The following FAM107B variants were observed in gnomAD, a reference collection of about 807,000 sequenced individuals.
FAM107B encodes family with sequence similarity 107 member B.
Under a neutral mutation model 31.5 loss-of-function variants are expected in FAM107B, and 21 were observed. That is an observed-to-expected ratio of 0.67 (90% CI 0.47 to 0.96). The LOEUF (loss-of-function observed/expected upper bound fraction) is 0.96. Among genes scored for constraint, FAM107B ranks in the 40% least tolerant of loss-of-function variants. The pLI, the probability that FAM107B is intolerant of heterozygous loss-of-function variation, is 0.00. For missense variants in FAM107B, 452 were observed against 377.1 expected, an observed-to-expected ratio of 1.20 and a Z score of -1.64; for synonymous variants, 157 against 141.5, an observed-to-expected ratio of 1.11 and a Z score of -0.78.
At chr10:14,526,096 C>T (rs61836228) in intron 3 of FAM107B, among the ~76,000 whole-genome samples, 1 of 152,210 alleles carries the variant, frequency 6.6e-6, no homozygotes, top group African/African-American at 2.4e-5. Context: ...CAGAACAATG[C>T]CTACTCACTT....
At chr10:14,636,718 T>G (rs1853509419) in intron 2 of FAM107B, among the ~76,000 whole-genome samples, 1 of 152,088 alleles carries the variant, frequency 6.6e-6, no homozygotes, top group East Asian at 1.9e-4. Context: ...GGAGTGGGTA[T>G]GAAGATAATT....
At chr10:14,669,812 A>G (rs1294827997) in intron 1 of FAM107B, among the ~76,000 whole-genome samples, 1 of 152,246 alleles carries the variant, frequency 6.6e-6, no homozygotes, top group Non-Finnish European at 1.5e-5. Flanking sequence ...AGGTTGGTTA[A>G]TGGTTACAAA....
chr10:14,755,292 C>G (rs1261472835), intron 1 of FAM107B, among the ~76,000 whole-genome samples: 1 of 151,960 alleles, frequency 6.6e-6, no homozygotes, highest in Non-Finnish European at 1.5e-5. Flanking sequence ...AGTAGAACTA[C>G]CAGCCATAGA....
chr10:14,597,554 G>GC (rs1852228470), intron 2 of FAM107B, among the ~76,000 whole-genome samples: 1 of 152,200 alleles, frequency 6.6e-6, no homozygotes, highest in Non-Finnish European at 1.5e-5. Flanking sequence ...CTGAAGGCAT[G>GC]AAGAGATACT....
intron 3 of FAM107B, chr10:14,528,179 T>TTTTTTTTTTG (rs1564525709): frequency 6.0e-6 from 1 of 166,686 alleles, no homozygotes; most frequent in African/African-American, 2.6e-5. Context: ...TTTTGGTTTT[T>TTTTTTTTTTG]TTTTTTTTTT....
intron 1 of FAM107B, among the ~76,000 whole-genome samples, chr10:14,686,685 C>T (rs541263271): frequency 7.4e-4 from 112 of 152,334 alleles, no homozygotes; most frequent in African/African-American, 2.3e-3. Flanking sequence ...GGCCTGGCAA[C>T]CCAACCTCTT....
intron 1 of FAM107B, among the ~76,000 whole-genome samples, chr10:14,726,545 A>G (rs1273963143): frequency 3.3e-5 from 5 of 152,176 alleles, no homozygotes; most frequent in African/African-American, 1.2e-4. Context: ...TTTGGGGGTA[A>G]TATTCCAAGA....
Position 14,751,120 on chromosome 10 carries a change from G to A in FAM107B, c.411+23133C>T, listed in dbSNP as rs557745482. On this transcript the variant is annotated intron_variant, in intron 1 of 4. Transcript: ENST00000181796. ...GGAGGAAGCACATGGGCCCCAGCTG[G>A]GCAGATGGGCTCTGCACATCTGCTG... Among the ~76,000 whole-genome samples, 3 of 152,268 alleles carry A rather than the reference G, an allele frequency of 2.0e-5. No individual in the cohort carries two copies. The South Asian group carries it at 6.2e-4, about 32-fold the overall frequency.
At chr10:14,690,510 G>A (rs1391796031) in intron 1 of FAM107B, among the ~76,000 whole-genome samples, 1 of 152,060 alleles carries the variant, frequency 6.6e-6, no homozygotes, top group African/African-American at 2.4e-5. Flanking sequence ...CTGGAGTGCA[G>A]TGGTGTGAAC....
chr10:14,690,478 G>C (rs1855105775), intron 1 of FAM107B, among the ~76,000 whole-genome samples: 1 of 151,292 alleles, frequency 6.6e-6, no homozygotes, highest in Non-Finnish European at 1.5e-5. Flanking sequence ...TTTTGAGATG[G>C]AGTCTCGCTC....
intron 2 of FAM107B, among the ~76,000 whole-genome samples, chr10:14,614,933 G>A (rs1003416443): frequency 6.6e-6 from 1 of 152,142 alleles, no homozygotes; most frequent in African/African-American, 2.4e-5. Flanking sequence ...GGGAAAAGAG[G>A]AATTGGAGGC....
intron 1 of FAM107B, among the ~76,000 whole-genome samples, chr10:14,733,263 T>G (rs564376423): frequency 1.1e-3 from 162 of 152,120 alleles, no homozygotes; most frequent in African/African-American, 3.5e-3. Flanking sequence ...CTCACCTGCG[T>G]TTTCAAAATA....
intron 2 of FAM107B, among the ~76,000 whole-genome samples, chr10:14,623,874 A>G (rs943580929): frequency 5.9e-5 from 9 of 152,190 alleles, no homozygotes; most frequent in Non-Finnish European, 8.8e-5. Context: ...TTAAAGGCAT[A>G]TGAAACAACT....
chr10:14,643,981 G>A (rs1047992410), intron 2 of FAM107B, among the ~76,000 whole-genome samples: 2 of 152,156 alleles, frequency 1.3e-5, no homozygotes, highest in Non-Finnish European at 2.9e-5. Context: ...TCCAATTGAA[G>A]AATTTTTAGA....
At chr10:14,707,143 C>A (rs1264212052) in intron 1 of FAM107B, among the ~76,000 whole-genome samples, 1 of 151,272 alleles carries the variant, frequency 6.6e-6, no homozygotes, top group Non-Finnish European at 1.5e-5. Flanking sequence ...AACAAAACAA[C>A]AACAACAAAA....
intron 1 of FAM107B, among the ~76,000 whole-genome samples, chr10:14,733,103 T>A (rs1856213133): frequency 6.7e-6 from 1 of 148,902 alleles, no homozygotes; most frequent in Admixed American, 6.7e-5. Flanking sequence ...TTATACATAA[T>A]AATATATAGC....
intron 1 of FAM107B, among the ~76,000 whole-genome samples, chr10:14,767,055 TAGAG>T (rs1186875187): frequency 0.014 from 251 of 18,204 alleles, 5 homozygotes; most frequent in African/African-American, 0.023. Context: ...TATATATATA[TAGAG>T]AGAGAGAGAG....
At chr10:14,643,006 A>T (rs1853666642) in intron 2 of FAM107B, among the ~76,000 whole-genome samples, 1 of 152,094 alleles carries the variant, frequency 6.6e-6, no homozygotes, top group African/African-American at 2.4e-5. Flanking sequence ...TTCCAAAGCC[A>T]TTTCCACATT....
At chr10:14,624,490 G>A (rs939753663) in intron 2 of FAM107B, among the ~76,000 whole-genome samples, 9 of 152,078 alleles carry the variant, frequency 5.9e-5, no homozygotes, top group Admixed American at 6.5e-5. Context: ...ACAAAAATAC[G>A]CCAGGTGTGG....
Sources: allele counts gnomAD v4.1 joint callset (sites outside exome capture counted in the v4.1 genomes callset), GRCh38; gene constraint gnomAD v4.1.1; transcripts MANE v1.5; gene names NCBI Gene and HGNC (gene_info 2026-07-23, HGNC 2026-07-21).